The following MRPL46 variants were observed in gnomAD, a reference collection of about 807,000 sequenced individuals.
MRPL46 encodes large ribosomal subunit protein mL46.
A neutral mutation model predicts 31.0 loss-of-function variants in MRPL46; 26 were observed. That is an observed-to-expected ratio of 0.84 (90% CI 0.61 to 1.16). The LOEUF (loss-of-function observed/expected upper bound fraction) is 1.16, where lower values mean the gene tolerates loss of function less well. Among genes scored for constraint, MRPL46 ranks in the 50% most tolerant of loss-of-function variants. MRPL46 has a pLI of 0.00. For missense variants in MRPL46, 395 were observed against 340.0 expected (o/e 1.16, Z -1.27); for synonymous variants, 159 against 141.3 (o/e 1.13, Z -0.89).
At position 88,459,608 on chromosome 15, in the gene MRPL46, G is replaced by C. The variant is rs111529644; in HGVS notation, c.*5C>G. 5 of 1,613,714 alleles carry C rather than the reference G, an allele frequency of 3.1e-6. No individual in the cohort carries two copies. The highest frequency in any genetic ancestry group is 4.2e-6 in the Non-Finnish European group (5 of 1,180,024). On this transcript the variant is annotated 3_prime_UTR_variant, in exon 4 of 4. Coordinates refer to ENST00000312475, the MANE Select transcript of MRPL46 (RefSeq NM_022163.4). ...CTGAGCACCGTCCACAGGCAGCTCGGCCCATCAGAGGTCTGAAACAAACCT... is the reference window on the plus strand; with the variant it reads ...CTGAGCACCGTCCACAGGCAGCTCGCCCCATCAGAGGTCTGAAACAAACCT...
At chr15:88,461,543 AAAC>A (rs1567039527) in intron 3 of MRPL46, 1 of 152,220 alleles carries the variant, frequency 6.6e-6, no homozygotes, top group Admixed American at 6.5e-5. Flanking sequence ...AAATAAAGTT[AAAC>A]AACAACATAT....
chr15:88,459,491 G>A lies in MRPL46; in HGVS notation c.*122C>T, dbSNP rs752278614. 52 of 1,452,530 alleles carry A rather than the reference G, an allele frequency of 3.6e-5. 1 individual carries two copies. Among genetic ancestry groups the A allele is most frequent in the South Asian group, 4.0e-5 (3 of 75,414 alleles). The allele number at this position is 1,452,530 out of a possible 1,614,324, so 90.0% of individuals were successfully genotyped here. On this transcript the variant is annotated 3_prime_UTR_variant, in exon 4 of 4. Transcript: ENST00000312475. ...CTGAGACCAACACAGTAATAGACTC[G>A]TTTATTTCTCAGAATTTAGTTTGCT...
At chr15:88,465,446 T>G in intron 2 of MRPL46, 141 bp downstream of exon 2, 1 of 890,914 alleles carries the variant, frequency 1.1e-6, no homozygotes, top group Non-Finnish European at 1.6e-6. Flanking sequence ...AGTCGTATTA[T>G]GGTAGATGTG....
chr15:88,464,185 C>T (rs1306793319), intron 3 of MRPL46: 1 of 155,460 alleles, frequency 6.4e-6, no homozygotes, highest in Non-Finnish European at 1.4e-5. Context: ...AAGAATAGCT[C>T]CCCACACTTA....
At chr15:88,465,387 G>C in intron 2 of MRPL46, 200 bp downstream of exon 2, 1 of 497,192 alleles carries the variant, frequency 2.0e-6, no homozygotes, top group Non-Finnish European at 3.4e-6. Flanking sequence ...GAGAGAAAAG[G>C]CTATTCCAAT....
rs779860260 is a variant in MRPL46 at position 88,459,857 on chromosome 15, T to C, written c.596A>G (p.Asn199Ser). Residue 199 changes from asparagine (N) to serine (S), a missense_variant, in exon 4 of 4, where the codon AAC (asparagine) becomes AGC (serine). Asn to Ser is a conservative substitution (Grantham distance 46, BLOSUM62 1). Coordinates refer to ENST00000312475, the MANE Select transcript of MRPL46 (RefSeq NM_022163.4). ...ATTTCCTAGGAACTTGGCTTCCATG[T>C]TGTTTTCTGAAGAGGGAGGAAAGAA... ...ERTLATLSENNMEAKFLGNAP... is the reference protein window; with the variant it reads ...ERTLATLSENSMEAKFLGNAP... 1.9e-6 allele frequency: 3 copies of C among 1,614,056 alleles called. No individual in the cohort carries two copies. The highest frequency in any genetic ancestry group is 4.5e-5 in the East Asian group (2 of 44,882).
At chr15:88,466,691 AC>A (rs1329090750) in intron 1 of MRPL46, among the ~76,000 whole-genome samples, 1 of 152,132 alleles carries the variant, frequency 6.6e-6, no homozygotes. Flanking sequence ...GCGACCTCAC[AC>A]CTTCACAGCC....
intron 2 of MRPL46, chr15:88,465,316 T>TAG (rs2055513656): frequency 9.3e-6 from 4 of 431,752 alleles, no homozygotes; most frequent in Non-Finnish European, 1.6e-5. Context: ...AAGGCTTCAT[T>TAG]TGCCCCACTC....
At chr15:88,461,420 C>A (rs1309881165) in intron 3 of MRPL46, 1 of 151,794 alleles carries the variant, frequency 6.6e-6, no homozygotes, top group South Asian at 2.1e-4. Context: ...AAAAAAACAA[C>A]AAATTAAAAA....
chr15:88,461,553 A>G (rs1054724829), intron 3 of MRPL46: 19 of 152,272 alleles, frequency 1.2e-4, no homozygotes, highest in African/African-American at 4.6e-4. Context: ...AAACAACAAC[A>G]TATATCATTA....
rs2142194847 is a variant in MRPL46, at chr15:88,459,875, G to A, written c.590-12C>T. The A allele has an allele frequency of 6.2e-7, 1 of 1,613,210 alleles. No homozygotes were observed. Among genetic ancestry groups the A allele is most frequent in the Non-Finnish European group, 8.5e-7 (1 of 1,179,544 alleles). ...TTCCATGTTGTTTTCTGAAGAGGGA[G>A]GAAAGAAAAATCACAATTGGAAGGT... On this transcript the variant is annotated splice_polypyrimidine_tract_variant and intron_variant, in intron 3 of 3. Coordinates refer to ENST00000312475, the MANE Select transcript of MRPL46 (RefSeq NM_022163.4).
chr15:88,466,979 G>A (rs936808779), intron 1 of MRPL46, among the ~76,000 whole-genome samples, 171 bp downstream of exon 1: 14 of 152,214 alleles, frequency 9.2e-5, no homozygotes, highest in African/African-American at 2.9e-4. Context: ...CAATAAACAC[G>A]GCCAATGAAA....
At chr15:88,464,524 TAAAAAA>T in intron 3 of MRPL46, 173 bp downstream of exon 3, 4 of 590,976 alleles carry the variant, frequency 6.8e-6, no homozygotes, top group Non-Finnish European at 1.1e-5. Context: ...AAAATAAAAA[TAAAAAA>T]AAAATAAAAA....
At position 88,463,625 on chromosome 15, in the gene MRPL46, T is replaced by C. The variant is rs1308627137; in HGVS notation, c.589+1078A>G. ...TCTTCCTGAAGGCTCAGGAAAGGTT[T>C]CACCACATACGGTATAATGTATAAA... On this transcript the variant is annotated intron_variant, in intron 3 of 3. Transcript: ENST00000312475. This position sits in a 1 kb window ranked among gnomAD's most constrained non-coding sequence, Gnocchi z 5.4. The C allele has an allele frequency of 1.3e-5, 2 of 152,166 alleles. No individual in the cohort carries two copies. Among genetic ancestry groups the C allele is most frequent in the Non-Finnish European group, 2.9e-5 (2 of 68,046 alleles). 9.4% of individuals were successfully genotyped at this position (152,166 alleles called of 1,614,324 possible).
At chr15:88,462,495 T>C (rs541124409) in intron 3 of MRPL46, 1 of 152,358 alleles carries the variant, frequency 6.6e-6, no homozygotes, top group African/African-American at 2.4e-5. Flanking sequence ...AGGAAAATGC[T>C]AATCTGAAAG....
intron 2 of MRPL46, 142 bp downstream of exon 2, chr15:88,465,445 A>G: frequency 3.4e-6 from 3 of 876,966 alleles, no homozygotes; most frequent in Non-Finnish European, 4.9e-6. Flanking sequence ...AAGTCGTATT[A>G]TGGTAGATGT....
chr15:88,466,638 T>C (rs1415157368), intron 1 of MRPL46, among the ~76,000 whole-genome samples: 1 of 152,194 alleles, frequency 6.6e-6, no homozygotes, highest in Non-Finnish European at 1.5e-5. Flanking sequence ...CAAAAACATC[T>C]CGGATTCTGA....
intron 3 of MRPL46, chr15:88,460,536 T>C (rs1255516413): frequency 6.6e-6 from 1 of 152,326 alleles, no homozygotes; most frequent in Non-Finnish European, 1.5e-5. Flanking sequence ...GATGGGGAAA[T>C]GATGGACTAA....
intron 2 of MRPL46, chr15:88,465,343 A>T (rs2055514043): frequency 6.8e-6 from 3 of 438,650 alleles, no homozygotes; most frequent in Non-Finnish European, 1.2e-5. Context: ...TCAAACTTGG[A>T]GTTAAACACA....
Sources: allele counts gnomAD v4.1 joint callset (sites outside exome capture counted in the v4.1 genomes callset), GRCh38; gene constraint gnomAD v4.1.1; non-coding constraint Gnocchi (gnomAD v3.1); transcripts MANE v1.5; gene names NCBI Gene and HGNC (gene_info 2026-07-23, HGNC 2026-07-21).